Variants in FER observed in about 807,000 individuals in gnomAD.
The protein encoded by FER is tyrosine-protein kinase Fer.
FER carries 63 observed loss-of-function variants against 111.0 expected under a neutral mutation model. That is an observed-to-expected ratio of 0.57 (90% CI 0.46 to 0.70). The LOEUF is 0.70. Ranked by LOEUF, FER falls within the 30% of genes least tolerant of loss-of-function variation. FER has a pLI of 0.00. For synonymous variants in FER, 327 were observed against 313.9 expected (o/e 1.04, Z -0.44); for missense variants, 914 against 954.0 (o/e 0.96, Z 0.55).
intron 13 of FER, among the ~76,000 whole-genome samples, chr5:108,978,427 G>A (rs116409883): frequency 0.01 from 1,558 of 152,108 alleles, 22 homozygotes; most frequent in African/African-American, 0.035. Flanking sequence ...TCTTTGTAAC[G>A]CTGCGCTCTT....
At chr5:109,067,979 A>G (rs539217152) in intron 16 of FER, among the ~76,000 whole-genome samples, 88 of 152,322 alleles carry the variant, frequency 5.8e-4, no homozygotes, top group Non-Finnish European at 9.7e-4. Flanking sequence ...TCTAGCCGTA[A>G]TCATAGAAGG....
At chr5:108,903,653 A>G (rs1220465845) in intron 10 of FER, among the ~76,000 whole-genome samples, 2 of 152,230 alleles carry the variant, frequency 1.3e-5, no homozygotes, top group Non-Finnish European at 2.9e-5. Flanking sequence ...CATATTTTGT[A>G]TATTATAAAA....
intron 2 of FER, among the ~76,000 whole-genome samples, chr5:108,795,185 C>T (rs1359141785): frequency 2.0e-5 from 3 of 152,090 alleles, no homozygotes; most frequent in Non-Finnish European, 4.4e-5. Context: ...ATTAGCTGGG[C>T]ATGGTGACAC....
At chr5:109,149,198 A>C (rs978513406) in intron 17 of FER, among the ~76,000 whole-genome samples, 1 of 152,204 alleles carries the variant, frequency 6.6e-6, no homozygotes, top group Admixed American at 6.5e-5. Flanking sequence ...ATGATTTAAA[A>C]GTCTAAATTT....
intron 16 of FER, among the ~76,000 whole-genome samples, chr5:109,063,222 T>C (rs1774656591): frequency 1.3e-5 from 2 of 152,238 alleles, no homozygotes; most frequent in Non-Finnish European, 2.9e-5. Flanking sequence ...CACTAATTTT[T>C]GCCAAAAAGT....
chr5:109,062,852 T>C (rs556076544), intron 16 of FER, among the ~76,000 whole-genome samples: 1 of 152,276 alleles, frequency 6.6e-6, no homozygotes, highest in African/African-American at 2.4e-5. Context: ...TGTTATATTA[T>C]CTGGTACAAT....
intron 10 of FER, among the ~76,000 whole-genome samples, chr5:108,941,508 C>T (rs1205960512): frequency 6.6e-6 from 1 of 152,100 alleles, no homozygotes; most frequent in Non-Finnish European, 1.5e-5. Context: ...AATACTTTCA[C>T]TCTCATTATA....
intron 16 of FER, among the ~76,000 whole-genome samples, chr5:109,060,553 G>A (rs565242078): frequency 1.3e-5 from 2 of 152,146 alleles, no homozygotes; most frequent in East Asian, 3.9e-4. Flanking sequence ...GCGTGGTGGT[G>A]TGTGCCTGTA....
intron 17 of FER, among the ~76,000 whole-genome samples, chr5:109,146,833 G>A (rs913074058): frequency 7.9e-5 from 12 of 151,958 alleles, no homozygotes; most frequent in African/African-American, 1.2e-4. Context: ...TGTTGTATGC[G>A]TCATTACCTC....
At chr5:108,848,704 A>T (rs1043235261) in intron 5 of FER, among the ~76,000 whole-genome samples, 4 of 152,056 alleles carry the variant, frequency 2.6e-5, no homozygotes, top group Admixed American at 2.6e-4. Context: ...TTTAAATAGT[A>T]AATTATCTTC....
chr5:108,990,569 A>C (rs895182595), intron 13 of FER, among the ~76,000 whole-genome samples: 20 of 151,774 alleles, frequency 1.3e-4, no homozygotes, highest in African/African-American at 4.3e-4. Flanking sequence ...AAAATGAAGG[A>C]AATTGATGAG....
At chr5:109,043,525 T>A (rs566062986) in intron 14 of FER, among the ~76,000 whole-genome samples, 1 of 152,170 alleles carries the variant, frequency 6.6e-6, no homozygotes, top group African/African-American at 2.4e-5. Flanking sequence ...ATAATTTTAT[T>A]TATTAATAAG....
intron 13 of FER, among the ~76,000 whole-genome samples, chr5:109,031,431 GT>G (rs1193094929): frequency 1.3e-5 from 2 of 152,076 alleles, no homozygotes; most frequent in Non-Finnish European, 2.9e-5. Flanking sequence ...TTAATTGTTT[GT>G]TTGGATGCTG....
chr5:109,011,081 C>T (rs1766201075), intron 13 of FER, among the ~76,000 whole-genome samples: 1 of 152,066 alleles, frequency 6.6e-6, no homozygotes, highest in African/African-American at 2.4e-5. Context: ...TGTCCAAATA[C>T]ATTTACATTT....
intron 17 of FER, among the ~76,000 whole-genome samples, chr5:109,138,503 C>T (rs1753153858): frequency 6.6e-6 from 1 of 152,100 alleles, no homozygotes; most frequent in Admixed American, 6.6e-5. Flanking sequence ...TCACCCTTGT[C>T]AATTAAATAG....
intron 9 of FER, among the ~76,000 whole-genome samples, chr5:108,892,569 C>T (rs181845484): frequency 6.6e-6 from 1 of 151,938 alleles, no homozygotes; most frequent in African/African-American, 2.4e-5. Flanking sequence ...GGATATTAGC[C>T]CTTTGTCAGA....
intron 16 of FER, among the ~76,000 whole-genome samples, chr5:109,090,252 A>T (rs79953659): frequency 6.6e-6 from 1 of 152,128 alleles, no homozygotes; most frequent in Non-Finnish European, 1.5e-5. Flanking sequence ...GACAACTGCA[A>T]ACTTCTCTAG....
intron 12 of FER, among the ~76,000 whole-genome samples, chr5:108,957,901 C>T (rs1198357044): frequency 6.6e-6 from 1 of 151,398 alleles, no homozygotes; most frequent in Non-Finnish European, 1.5e-5. Flanking sequence ...TTTTGCACAC[C>T]TAGAAACATA....
At chr5:108,944,378 T>C (rs764708142) in intron 10 of FER, among the ~76,000 whole-genome samples, 1 of 152,112 alleles carries the variant, frequency 6.6e-6, no homozygotes, top group Admixed American at 6.6e-5. Context: ...TGAGGGGCCA[T>C]CCTTTTGCCA....
Sources: allele counts gnomAD v4.1 joint callset (sites outside exome capture counted in the v4.1 genomes callset), GRCh38; gene constraint gnomAD v4.1.1; transcripts MANE v1.5; gene names NCBI Gene and HGNC (gene_info 2026-07-23, HGNC 2026-07-21).